The following RBFOX1 variants were observed in gnomAD, a reference collection of about 807,000 sequenced individuals.
RBFOX1 encodes the protein RNA binding protein fox-1 homolog 1.
RBFOX1 carries 8 observed loss-of-function variants against 57.7 expected under a neutral mutation model. That is an observed-to-expected ratio of 0.14 (90% CI 0.08 to 0.25). The LOEUF (loss-of-function observed/expected upper bound fraction) is 0.25, where lower values mean the gene tolerates loss of function less well. Among genes scored for constraint, RBFOX1 ranks in the 10% least tolerant of loss-of-function variants. The probability of loss-of-function intolerance (pLI) is 1.00; values close to 1 mark genes in which losing one functional copy is unlikely to be tolerated. For missense variants in RBFOX1, 611 were observed against 548.5 expected, an observed-to-expected ratio of 1.11 and a Z score of -1.14; for synonymous variants, 326 against 222.4, an observed-to-expected ratio of 1.47 and a Z score of -4.15.
At chr16:7,705,092 CTT>C (rs1442070885) in intron 14 of RBFOX1, among the ~76,000 whole-genome samples, 1 of 150,048 alleles carries the variant, frequency 6.7e-6, no homozygotes, top group African/African-American at 2.5e-5. Context: ...AGAAGCATCT[CTT>C]CATCTCTCTA....
At chr16:6,963,056 G>A (rs969097109) in intron 3 of RBFOX1, among the ~76,000 whole-genome samples, 31 of 152,104 alleles carry the variant, frequency 2.0e-4, no homozygotes, top group African/African-American at 7.0e-4. Context: ...TGTGTGAACT[G>A]CCCAAGTCAA....
intron 14 of RBFOX1, among the ~76,000 whole-genome samples, chr16:7,682,009 G>T (rs1296069287): frequency 6.6e-6 from 1 of 152,146 alleles, no homozygotes; most frequent in African/African-American, 2.4e-5. Flanking sequence ...ACCTGCCTTT[G>T]ATGGCATATT....
chr16:5,691,295 C>T (rs72633292), intron 3 of RBFOX1, among the ~76,000 whole-genome samples: 29,663 of 152,100 alleles, frequency 0.2, 4,227 homozygotes, highest in East Asian at 0.65. Flanking sequence ...ACATTGTATG[C>T]GGTACATAAG....
chr16:5,954,139 A>G (rs2059577583), intron 4 of RBFOX1, among the ~76,000 whole-genome samples: 1 of 152,146 alleles, frequency 6.6e-6, no homozygotes, highest in Non-Finnish European at 1.5e-5. Context: ...GCTGAGGTTG[A>G]GAACCTCTTC....
chr16:5,693,238 A>C (rs988173988), intron 3 of RBFOX1, among the ~76,000 whole-genome samples: 3 of 152,046 alleles, frequency 2.0e-5, no homozygotes, highest in Non-Finnish European at 4.4e-5. Context: ...ACCTAACTTC[A>C]TAAGTAGGAG....
At chr16:6,758,778 G>T (rs543599338) in intron 3 of RBFOX1, among the ~76,000 whole-genome samples, 1 of 152,238 alleles carries the variant, frequency 6.6e-6, no homozygotes, top group African/African-American at 2.4e-5. Flanking sequence ...CTTGCATCAT[G>T]GGGTTGAGAG....
At chr16:5,634,735 C>T (rs1009362513) in intron 3 of RBFOX1, among the ~76,000 whole-genome samples, 2 of 152,206 alleles carry the variant, frequency 1.3e-5, no homozygotes, top group African/African-American at 4.8e-5. Flanking sequence ...CCAGCGTATT[C>T]TCTCCATTTC....
At chr16:7,643,293 C>T (rs1470004871) in intron 11 of RBFOX1, among the ~76,000 whole-genome samples, 4 of 152,144 alleles carry the variant, frequency 2.6e-5, no homozygotes, top group African/African-American at 9.7e-5. Flanking sequence ...GAGTAAATCC[C>T]AGTGTGCTCA....
chr16:6,912,070 G>C (rs1311473650), intron 3 of RBFOX1, among the ~76,000 whole-genome samples: 1 of 152,164 alleles, frequency 6.6e-6, no homozygotes, highest in Non-Finnish European at 1.5e-5. Context: ...TTCTTCCTGT[G>C]AATAAATATG....
At chr16:5,444,537 G>T (rs115316438) in intron 1 of RBFOX1, among the ~76,000 whole-genome samples, 1,833 of 152,170 alleles carry the variant, frequency 0.012, 50 homozygotes, top group African/African-American at 0.042. Flanking sequence ...TGAAGATTGC[G>T]CCACCGATCG....
intron 3 of RBFOX1, among the ~76,000 whole-genome samples, chr16:6,669,060 A>C (rs750332757): frequency 6.6e-6 from 1 of 152,214 alleles, no homozygotes; most frequent in Non-Finnish European, 1.5e-5. Context: ...CACTTTAGAT[A>C]GAAAGCATGC....
At chr16:5,842,677 A>G (rs1044763115) in intron 3 of RBFOX1, among the ~76,000 whole-genome samples, 1 of 152,216 alleles carries the variant, frequency 6.6e-6, no homozygotes, top group African/African-American at 2.4e-5. Context: ...TGGATTTCTC[A>G]TCGGAGGAAA....
At chr16:5,732,854 C>T (rs535723041) in intron 3 of RBFOX1, among the ~76,000 whole-genome samples, 1 of 152,052 alleles carries the variant, frequency 6.6e-6, no homozygotes, top group African/African-American at 2.4e-5. Context: ...TTCATGGAGC[C>T]AGGATGAGTG....
intron 3 of RBFOX1, among the ~76,000 whole-genome samples, chr16:6,855,924 C>G (rs1263025314): frequency 6.6e-6 from 1 of 150,482 alleles, no homozygotes; most frequent in Non-Finnish European, 1.5e-5. Flanking sequence ...TCTTTCTTTA[C>G]TCATGCACAT....
intron 4 of RBFOX1, among the ~76,000 whole-genome samples, chr16:7,479,708 C>T (rs536226327): frequency 1.2e-3 from 186 of 152,210 alleles, no homozygotes; most frequent in Non-Finnish European, 2.4e-3. Context: ...GGAAGTGGGG[C>T]ACCTGGAGGG....
At chr16:7,588,917 A>G (rs750023956) in intron 7 of RBFOX1, among the ~76,000 whole-genome samples, 15 of 152,206 alleles carry the variant, frequency 9.9e-5, no homozygotes, top group Non-Finnish European at 2.1e-4. Context: ...AATCTGTCAG[A>G]TGAGCAAAAA....
chr16:7,268,627 G>T (rs1006126372), intron 4 of RBFOX1, among the ~76,000 whole-genome samples: 10 of 152,138 alleles, frequency 6.6e-5, no homozygotes, highest in Admixed American at 2.0e-4. Flanking sequence ...TGTGATTATT[G>T]TAAGTTCTTT....
intron 4 of RBFOX1, among the ~76,000 whole-genome samples, chr16:7,423,382 A>C (rs1422278756): frequency 2.6e-5 from 4 of 151,958 alleles, no homozygotes; most frequent in African/African-American, 9.7e-5. Context: ...CAGGCAGGGG[A>C]GATAATGACT....
At chr16:6,758,493 G>A (rs1374979572) in intron 3 of RBFOX1, among the ~76,000 whole-genome samples, 2 of 152,058 alleles carry the variant, frequency 1.3e-5, no homozygotes, top group African/African-American at 2.4e-5. Flanking sequence ...CTGATTAATT[G>A]ACGTGAGAGT....
Sources: gnomAD v4.1 joint callset for allele counts (sites outside exome capture counted in the v4.1 genomes callset) on GRCh38, gnomAD v4.1.1 for gene constraint, MANE v1.5 for transcripts, NCBI Gene and HGNC (gene_info 2026-07-23, HGNC 2026-07-21) for gene names.